KHDRBS2: variants seen among roughly 807,000 people sequenced by gnomAD.
KHDRBS2 encodes KH RNA binding domain containing, signal transduction associated 2.
KHDRBS2 carries 26 observed loss-of-function variants against 44.3 expected under a neutral mutation model. The ratio of observed to expected loss-of-function variants is 0.59; its 90% CI spans 0.43 to 0.81. The LOEUF is 0.81. Among genes scored for constraint, KHDRBS2 ranks in the 40% least tolerant of loss-of-function variants. The pLI is 0.00. For synonymous variants in KHDRBS2, 194 were observed against 151.1 expected (o/e 1.28, Z -2.08); for missense variants, 476 against 433.1 (o/e 1.10, Z -0.88).
chr6:61,727,356 G>C (rs1437634642), intron 7 of KHDRBS2, among the ~76,000 whole-genome samples: 2 of 152,124 alleles, frequency 1.3e-5, no homozygotes, highest in Non-Finnish European at 2.9e-5. Context: ...ATACTATTCA[G>C]GACATAGACA....
chr6:62,159,157 A>G (rs1817082527), intron 2 of KHDRBS2, among the ~76,000 whole-genome samples: 1 of 152,182 alleles, frequency 6.6e-6, no homozygotes, highest in Admixed American at 6.5e-5. Context: ...TGCACTTAGT[A>G]AAAATGGATA....
chr6:61,544,322 T>G, the KHDRBS2 span, among the ~76,000 whole-genome samples: 6 of 152,212 alleles, frequency 3.9e-5, no homozygotes, highest in Admixed American at 3.9e-4. Flanking sequence ...ACTAGTAGCT[T>G]CAGCAGATTT....
At chr6:61,860,380 C>A (rs1332717309) in intron 6 of KHDRBS2, among the ~76,000 whole-genome samples, 1 of 150,018 alleles carries the variant, frequency 6.7e-6, no homozygotes. Context: ...CCACCCTCTG[C>A]CCCCCGATAG....
At chr6:61,795,254 G>A (rs1785171624) in intron 6 of KHDRBS2, among the ~76,000 whole-genome samples, 1 of 148,930 alleles carries the variant, frequency 6.7e-6, no homozygotes, top group African/African-American at 2.5e-5. Flanking sequence ...TGAATTCAAA[G>A]TACTGAAAGT....
chr6:62,038,810 T>G (rs1227211473), intron 3 of KHDRBS2, among the ~76,000 whole-genome samples: 1 of 152,044 alleles, frequency 6.6e-6, no homozygotes, highest in Non-Finnish European at 1.5e-5. Flanking sequence ...TCTAAAACCA[T>G]ACAAATAATA....
chr6:62,007,399 G>C (rs540825709), intron 3 of KHDRBS2, among the ~76,000 whole-genome samples: 1 of 149,374 alleles, frequency 6.7e-6, no homozygotes, highest in Non-Finnish European at 1.5e-5. Flanking sequence ...TTTACATTTT[G>C]ATGTTTTTTT....
In KHDRBS2 at chr6:61,816,676, T is replaced by C. The variant is rs570860122; in HGVS notation, c.810+77959A>G. On this transcript the variant is annotated intron_variant, in intron 6 of 8. Transcript: ENST00000281156. ...ATACAAGCGTTATCTGTTTTGAAAA[T>C]CCAGTTTTGCAAAGACAGACTCATT... The C allele has an allele frequency of 3.0e-5, 13 of 433,570 alleles. No homozygotes were observed. The East Asian group carries it at 8.6e-4, about 29-fold the overall frequency. 26.9% of individuals were successfully genotyped at this position (433,570 alleles called of 1,614,324 possible).
At chr6:61,899,628 A>G (rs1369541209) in intron 5 of KHDRBS2, among the ~76,000 whole-genome samples, 2 of 152,046 alleles carry the variant, frequency 1.3e-5, no homozygotes, top group Admixed American at 1.3e-4. Flanking sequence ...GGTCCACTCA[A>G]AAATGCCAGA....
intron 6 of KHDRBS2, among the ~76,000 whole-genome samples, chr6:61,822,304 G>C (rs939366417): frequency 1.3e-5 from 2 of 151,868 alleles, no homozygotes; most frequent in Non-Finnish European, 2.9e-5. Flanking sequence ...CATTTACCCA[G>C]TTTTCCAAGT....
chr6:61,815,370 C>T (rs1788753363), intron 6 of KHDRBS2, among the ~76,000 whole-genome samples: 1 of 152,104 alleles, frequency 6.6e-6, no homozygotes, highest in Admixed American at 6.6e-5. Context: ...TGGTTGACAG[C>T]AGGAAACTGA....
chr6:61,742,394 G>C (rs1241850216), intron 6 of KHDRBS2, among the ~76,000 whole-genome samples: 1 of 151,766 alleles, frequency 6.6e-6, no homozygotes, highest in Non-Finnish European at 1.5e-5. Flanking sequence ...ACTGTACAAT[G>C]CCAATATTTT....
the KHDRBS2 span, among the ~76,000 whole-genome samples, chr6:61,640,169 G>C: frequency 1.3e-5 from 2 of 151,970 alleles, no homozygotes; most frequent in Non-Finnish European, 2.9e-5. Flanking sequence ...TAAAATATTA[G>C]ATAAAAAGTA....
the KHDRBS2 span, among the ~76,000 whole-genome samples, chr6:61,583,504 ACAT>A: frequency 1.3e-5 from 2 of 151,702 alleles, no homozygotes; most frequent in African/African-American, 4.8e-5. Context: ...AATTACTTTG[ACAT>A]CATTGTTAAA....
intron 6 of KHDRBS2, among the ~76,000 whole-genome samples, chr6:61,765,788 T>A (rs1339718297): frequency 6.6e-6 from 1 of 152,198 alleles, no homozygotes; most frequent in Middle Eastern, 3.2e-3. Flanking sequence ...ACATAATGTA[T>A]CACATTGATT....
At chr6:62,127,505 A>G (rs1809249099) in intron 2 of KHDRBS2, among the ~76,000 whole-genome samples, 1 of 152,128 alleles carries the variant, frequency 6.6e-6, no homozygotes, top group South Asian at 2.1e-4. Context: ...TAATATATTA[A>G]TAGGTTAATA....
chr6:61,855,120 T>G (rs991024907), intron 6 of KHDRBS2, among the ~76,000 whole-genome samples: 1 of 152,110 alleles, frequency 6.6e-6, no homozygotes, highest in African/African-American at 2.4e-5. Context: ...TCTCAATTTT[T>G]GGGGGAAGGA....
intron 1 of KHDRBS2, 26 bp from the exon 2 acceptor site, chr6:62,177,338 C>G: frequency 6.4e-7 from 1 of 1,555,708 alleles, no homozygotes; most frequent in Non-Finnish European, 8.8e-7. Flanking sequence ...AAGAAGAAAA[C>G]AAGTGAAATG....
At chr6:62,206,939 A>T (rs1461768659) in intron 1 of KHDRBS2, among the ~76,000 whole-genome samples, 2 of 152,108 alleles carry the variant, frequency 1.3e-5, no homozygotes, top group East Asian at 3.9e-4. Flanking sequence ...AGAATAAAAA[A>T]AGTCCGTATC....
chr6:61,601,856 C>T, the KHDRBS2 span, among the ~76,000 whole-genome samples: 2 of 152,140 alleles, frequency 1.3e-5, no homozygotes, highest in African/African-American at 4.8e-5. Context: ...CAGTTTCATT[C>T]CGTGACTAGC....
Sources: allele counts gnomAD v4.1 joint callset (sites outside exome capture counted in the v4.1 genomes callset), GRCh38; gene constraint gnomAD v4.1.1; transcripts MANE v1.5; gene names NCBI Gene and HGNC (gene_info 2026-07-23, HGNC 2026-07-21).